The following GBP2 variants were observed in gnomAD, a reference collection of about 807,000 sequenced individuals.
GBP2 encodes the protein guanylate-binding protein 2.
Under a neutral mutation model 60.8 loss-of-function variants are expected in GBP2, and 54 were observed. That is an observed-to-expected ratio of 0.89 (90% CI 0.71 to 1.11). The LOEUF (loss-of-function observed/expected upper bound fraction) is 1.11, where lower values mean the gene tolerates loss of function less well. Among genes scored for constraint, GBP2 ranks in the 50% most tolerant of loss-of-function variants. The pLI is 0.00. For missense variants in GBP2, 665 were observed against 703.3 expected (o/e 0.95, Z 0.62); for synonymous variants, 243 against 256.5 (o/e 0.95, Z 0.50).
At position 89,106,291 on chromosome 1, in the gene GBP2, A is replaced by T. The variant is rs1421417353; in HGVS notation, c.*1884T>A. 6.6e-6 allele frequency: 1 copy of T among 152,210 alleles called. No homozygotes were observed. Among genetic ancestry groups the T allele is most frequent in the Non-Finnish European group, 1.5e-5 (1 of 68,030 alleles). The allele number at this position is 152,210 out of a possible 1,614,324, so 9.4% of individuals were successfully genotyped here. The stretch of plus-strand genomic sequence containing the variant: ...GCTTTCACAGAACTAGATACAAAAT[A>T]CTAACTGTTTGAAAGGTAAGAGCAA... On this transcript the variant is annotated 3_prime_UTR_variant, in exon 11 of 11. Transcript: ENST00000370466.
chr1:89,115,110 C>T (rs1481491421), intron 6 of GBP2, among the ~76,000 whole-genome samples: 2 of 152,198 alleles, frequency 1.3e-5, no homozygotes, highest in Admixed American at 6.5e-5. Context: ...CCTCTTGATG[C>T]TACTATCTCA....
Position 89,108,076 on chromosome 1 carries a change from G to A in GBP2, c.*99C>T. 1.5e-6 allele frequency: 1 copy of A among 686,210 alleles called. No individual in the cohort carries two copies. Among genetic ancestry groups the A allele is most frequent in the South Asian group, 1.7e-5 (1 of 57,310 alleles). 42.5% of individuals were successfully genotyped at this position (686,210 alleles called of 1,614,324 possible). On this transcript the variant is annotated 3_prime_UTR_variant, in exon 11 of 11. Transcript: ENST00000370466. ...AAAAATGCATGCATCATGATTTTGA[G>A]TTAAGTTTAATGGCAGTTGTTTGAC...
At chr1:89,121,718 C>A in intron 2 of GBP2, 59 bp downstream of exon 2, 2 of 1,538,812 alleles carry the variant, frequency 1.3e-6, no homozygotes, top group Non-Finnish European at 8.9e-7. Flanking sequence ...CATCCCTAAG[C>A]TGGATGTTCG....
At chr1:89,111,409 A>G (rs566530733) in intron 8 of GBP2, among the ~76,000 whole-genome samples, 24 of 152,312 alleles carry the variant, frequency 1.6e-4, no homozygotes, top group African/African-American at 5.5e-4. Flanking sequence ...GGAAAAATCT[A>G]AAGATTCCAC....
intron 8 of GBP2, 112 bp downstream of exon 8, chr1:89,112,360 G>A (rs1459398729): frequency 1.2e-6 from 1 of 809,854 alleles, no homozygotes; most frequent in African/African-American, 1.7e-5. Context: ...ATGGAAAAAT[G>A]AAAGGCAGAG....
intron 8 of GBP2, among the ~76,000 whole-genome samples, chr1:89,110,869 T>A (rs1681151999): frequency 6.6e-6 from 1 of 152,164 alleles, no homozygotes; most frequent in South Asian, 2.1e-4. Flanking sequence ...TTAAAAACTC[T>A]ACAATATCTC....
In GBP2 at chr1:89,117,054, G is replaced by C. The variant is rs888847270; in HGVS notation, c.806C>G (p.Ser269Cys). ...DFIEQVAEFC[S>C]YILSHSNVKT... ...GACATTGGAATGGCTGAGGATGTAG[G>C]AACAAAATTCTGCAACTTGTTCTAT... The change falls in exon 6 of 11, where the codon TCC becomes TGC. Residue 269 changes from serine (S) to cysteine (C), a missense_variant. Transcript: ENST00000370466. The C allele has an allele frequency of 1.9e-6, 3 of 1,613,954 alleles. No homozygotes were observed. In the African/African-American group the frequency reaches 4.0e-5, roughly 22 times the overall value.
Position 89,110,070 on chromosome 1 carries a change from C to T in GBP2, c.1465+94G>A. Reference sequence around the variant, plus strand: ...AGAACTATGAATGATACTTGCCATTCTTTCTCTACAATAATAATTCCAGGT... The same window carrying T: ...AGAACTATGAATGATACTTGCCATTTTTTCTCTACAATAATAATTCCAGGT... On this transcript the variant is annotated intron_variant, in intron 9 of 10. Transcript: ENST00000370466. The T allele has an allele frequency of 3.0e-6, 3 of 1,002,326 alleles. No individual in the cohort carries two copies. The South Asian group carries it at 4.4e-5, about 15-fold the overall frequency. The allele number at this position is 1,002,326 out of a possible 1,614,324, so 62.1% of individuals were successfully genotyped here. A position where few individuals can be genotyped will look rare whatever the true frequency, so the allele number is the denominator to read the frequency against.
At position 89,117,371 on chromosome 1, in the gene GBP2, G is replaced by T. The variant is rs181512309; in HGVS notation, c.626-137C>A. 1.2e-4 allele frequency: 112 copies of T among 936,100 alleles called. No individual in the cohort carries two copies. The East Asian group carries it at 2.9e-3, about 24-fold the overall frequency. 58.0% of individuals were successfully genotyped at this position (936,100 alleles called of 1,614,324 possible). On this transcript the variant is annotated intron_variant, in intron 5 of 10. Coordinates refer to ENST00000370466, the MANE Select transcript of GBP2 (RefSeq NM_004120.5). ...GAAGAAATAAAAAATTAAAGGGGTA[G>T]AGAAAGGAAAGTCTCCAAGAAGAGG...
At chr1:89,121,044 G>C in intron 3 of GBP2, 99 bp downstream of exon 3, 1 of 800,142 alleles carries the variant, frequency 1.2e-6, no homozygotes, top group Non-Finnish European at 2.0e-6. Flanking sequence ...CTAAATCAAG[G>C]AGTAGGAGTG....
At chr1:89,114,492 G>C (rs1681229160) in intron 6 of GBP2, among the ~76,000 whole-genome samples, 196 bp from the exon 7 acceptor site, 1 of 152,200 alleles carries the variant, frequency 6.6e-6, no homozygotes, top group South Asian at 2.1e-4. Context: ...CCAAAAGGAA[G>C]ATATTGAAAT....
Position 89,108,134 on chromosome 1 carries a change from G to C in GBP2, c.*41C>G. 9.5e-7 allele frequency: 1 copy of C among 1,049,234 alleles called. No homozygotes were observed. Among genetic ancestry groups the C allele is most frequent in the Non-Finnish European group, 1.5e-6 (1 of 679,820 alleles). 65.0% of individuals were successfully genotyped at this position (1,049,234 alleles called of 1,614,324 possible). A position where few individuals can be genotyped will look rare whatever the true frequency, so the allele number is the denominator to read the frequency against. ...AGTTGCTCATTCATGTTGTTTCTTG[G>C]GGAGAGGGAGCTGGACAGGCAAATT... On this transcript the variant is annotated 3_prime_UTR_variant, in exon 11 of 11. Coordinates refer to ENST00000370466, the MANE Select transcript of GBP2 (RefSeq NM_004120.5).
At position 89,110,154 on chromosome 1, in the gene GBP2, C is replaced by G; in HGVS notation, c.1465+10G>C. ...TTCCGACCATGTAGAGTGTTTTCAG[C>G]TGTTCTCACCTTCAATCGCTTTTTC... On this transcript the variant is annotated intron_variant, in intron 9 of 10. Coordinates refer to ENST00000370466, the MANE Select transcript of GBP2 (RefSeq NM_004120.5). The G allele has an allele frequency of 6.3e-7, 1 of 1,593,252 alleles. No homozygotes were observed. The highest frequency in any genetic ancestry group is 8.6e-7 in the Non-Finnish European group (1 of 1,162,230).
intron 10 of GBP2, among the ~76,000 whole-genome samples, chr1:89,108,902 T>TCTTTC (rs61210292): frequency 1.4e-5 from 2 of 142,482 alleles, no homozygotes; most frequent in South Asian, 2.2e-4. Context: ...AATCTTTCTT[T>TCTTTC]TTTTTTTTTT....
Position 89,108,304 on chromosome 1 carries a change from G to A in GBP2, c.1660-13C>T. 1 of 1,518,486 alleles carries A rather than the reference G, an allele frequency of 6.6e-7. No homozygotes were observed. The highest frequency in any genetic ancestry group is 9.1e-7 in the Non-Finnish European group (1 of 1,093,466). The allele number at this position is 1,518,486 out of a possible 1,614,324, so 94.1% of individuals were successfully genotyped here. ...GGCGTTCCTGTTCCTAAAAGGGAAA[G>A]TGGAGACTAAGCCTATCCAGCTTAA... On this transcript the variant is annotated splice_polypyrimidine_tract_variant and intron_variant, in intron 10 of 10. Coordinates refer to ENST00000370466, the MANE Select transcript of GBP2 (RefSeq NM_004120.5).
In GBP2 at chr1:89,117,086, AGGGTT is replaced by A. The variant is rs1557440778; in HGVS notation, c.769_773del (p.Asn257Ter). The A allele has an allele frequency of 3.1e-6, 5 of 1,614,162 alleles. No homozygotes were observed. Among genetic ancestry groups the A allele is most frequent in the Non-Finnish European group, 3.4e-6 (4 of 1,180,018 alleles). On this transcript the variant is annotated frameshift_variant, in exon 6 of 11. Transcript: ENST00000370466. LOFTEE classifies it high-confidence loss of function. Reference sequence around the variant, plus strand: ...ATTCTGCAACTTGTTCTATGAAATCAGGGTTCAGCTCTTCCTCCTTTAGCTGCTCT... The same window carrying A: ...ATTCTGCAACTTGTTCTATGAAATCACAGCTCTTCCTCCTTTAGCTGCTCT...
intron 1 of GBP2, among the ~76,000 whole-genome samples, chr1:89,125,266 A>G (rs990763691): frequency 2.6e-5 from 4 of 152,208 alleles, no homozygotes; most frequent in African/African-American, 9.7e-5. Flanking sequence ...GCTCTGATGA[A>G]GGCTTATATC....
At chr1:89,108,331 A>G (rs764835058) in intron 10 of GBP2, 40 bp from the exon 11 acceptor site, 1 of 1,296,822 alleles carries the variant, frequency 7.7e-7, no homozygotes, top group Non-Finnish European at 1.1e-6. Context: ...CCAGCTTAAC[A>G]CATTTCCACC....
Position 89,121,255 on chromosome 1 carries a change from G to T in GBP2, c.206C>A (p.Ser69Tyr). The T allele has an allele frequency of 6.2e-7, 1 of 1,607,050 alleles. No individual in the cohort carries two copies. Among genetic ancestry groups the T allele is most frequent in the Non-Finnish European group, 8.5e-7 (1 of 1,176,272 alleles). Reference sequence around the variant, plus strand: ...TCCCTTGGTGTGAGACTTCACTGTGGAGCCTAGAGAGAAGCCTGTAGAAGG... The same window carrying T: ...TCCCTTGGTGTGAGACTTCACTGTGTAGCCTAGAGAGAAGCCTGTAGAAGG... ...AGKKNGFSLG[S>Y]TVKSHTKGIW... Residue 69 changes from serine (S) to tyrosine (Y), a missense_variant, in exon 3 of 11, where the codon TCC becomes TAC. Coordinates refer to ENST00000370466, the MANE Select transcript of GBP2 (RefSeq NM_004120.5).
Sources: gnomAD v4.1 joint callset for allele counts (sites outside exome capture counted in the v4.1 genomes callset) on GRCh38, gnomAD v4.1.1 for gene constraint, MANE v1.5 for transcripts, NCBI Gene and HGNC (gene_info 2026-07-23, HGNC 2026-07-21) for gene names.